The following SLC6A3 variants were observed in gnomAD, a reference collection of about 807,000 sequenced individuals.
The protein encoded by SLC6A3 is sodium-dependent dopamine transporter.
SLC6A3 carries 19 observed loss-of-function variants against 70.4 expected under a neutral mutation model. The observed-to-expected ratio is 0.27, with a 90% CI of 0.19 to 0.40. The LOEUF (loss-of-function observed/expected upper bound fraction) is 0.40. Among genes scored for constraint, SLC6A3 ranks in the 10% least tolerant of loss-of-function variants. The pLI is 1.00. For missense variants in SLC6A3, 613 were observed against 838.5 expected (o/e 0.73, Z 3.32); for synonymous variants, 368 against 356.6 (o/e 1.03, Z -0.36).
At chr5:1,423,242 ATGGTG>A (rs1756500797) in intron 4 of SLC6A3, among the ~76,000 whole-genome samples, 1 of 111,458 alleles carries the variant, frequency 9.0e-6, no homozygotes, top group Non-Finnish European at 1.8e-5. Flanking sequence ...GGTGCTGCCC[ATGGTG>A]CTGGGTACCC....
Position 1,393,526 on chromosome 5 carries a change from C to T in SLC6A3, c.*1209G>A, listed in dbSNP as rs1755630074. The T allele has an allele frequency of 6.5e-6, 1 of 154,414 alleles. No individual in the cohort carries two copies. The highest frequency in any genetic ancestry group is 6.5e-5 in the Admixed American group (1 of 15,296). 9.6% of individuals were successfully genotyped at this position (154,414 alleles called of 1,614,324 possible). Reference sequence around the variant, plus strand: ...GAGAAATAAAATTCCAGTGGGGTCCCTTCCTGGAGGTCACGGCTCAAGGCC... The same window carrying T: ...GAGAAATAAAATTCCAGTGGGGTCCTTTCCTGGAGGTCACGGCTCAAGGCC... On this transcript the variant is annotated 3_prime_UTR_variant, in exon 15 of 15. Coordinates refer to ENST00000270349, the MANE Select transcript of SLC6A3 (RefSeq NM_001044.5).
At chr5:1,415,045 G>C (rs545240813) in intron 7 of SLC6A3, among the ~76,000 whole-genome samples, 10 of 152,240 alleles carry the variant, frequency 6.6e-5, no homozygotes, top group African/African-American at 2.4e-4. Context: ...GGCTCAGGGT[G>C]GGCAGAACAG....
chr5:1,422,539 C>G (rs367816533), intron 4 of SLC6A3, among the ~76,000 whole-genome samples: 39 of 98,696 alleles, frequency 4.0e-4, no homozygotes, highest in East Asian at 1.5e-3. Context: ...GCTGCCCACG[C>G]TGCTGGGTGC....
chr5:1,430,578 C>T (rs959601027), intron 4 of SLC6A3, among the ~76,000 whole-genome samples: 1 of 152,238 alleles, frequency 6.6e-6, no homozygotes, highest in Non-Finnish European at 1.5e-5. Context: ...TCCGGCCTGC[C>T]CGAAGGCTCC....
chr5:1,410,442 G>A (rs562698377), intron 9 of SLC6A3, among the ~76,000 whole-genome samples: 24 of 152,234 alleles, frequency 1.6e-4, no homozygotes, highest in African/African-American at 4.3e-4. Context: ...GTGGGGGGCC[G>A]GGTGCATGAC....
At chr5:1,418,568 C>T (rs1441824965) in intron 6 of SLC6A3, among the ~76,000 whole-genome samples, 2 of 152,090 alleles carry the variant, frequency 1.3e-5, no homozygotes, top group Non-Finnish European at 1.5e-5. Flanking sequence ...TCCATCCTAT[C>T]TACCTACCTA....
chr5:1,407,776 C>T lies in SLC6A3; in HGVS notation c.1498+1250G>A, dbSNP rs536087691. Among the ~76,000 whole-genome samples the T allele has an allele frequency of 7.2e-5, 11 of 152,242 alleles. 1 individual carries two copies. The highest frequency in any genetic ancestry group is 2.2e-4 in the African/African-American group (9 of 41,552). Reference sequence around the variant, plus strand: ...TTGATTCCAGACACCCGTGAAAGTACGAGGTTGATATTTCCGTTTTCTGTA... The same window carrying T: ...TTGATTCCAGACACCCGTGAAAGTATGAGGTTGATATTTCCGTTTTCTGTA... On this transcript the variant is annotated intron_variant, in intron 11 of 14. Transcript: ENST00000270349.
rs1755747178 is a variant in SLC6A3, at chr5:1,397,430, C to G, written c.1840-2672G>C. Among the ~76,000 whole-genome samples, 1 of 150,086 alleles carries G rather than the reference C, an allele frequency of 6.7e-6. No homozygotes were observed. The highest frequency in any genetic ancestry group is 2.1e-4 in the South Asian group (1 of 4,794). ...TGGGCTACAGAGCGAGACTCCGTCT[C>G]AAAACAAACAAACAAACAAACAAAC... On this transcript the variant is annotated intron_variant, in intron 14 of 14. Coordinates refer to ENST00000270349, the MANE Select transcript of SLC6A3 (RefSeq NM_001044.5). The surrounding 1 kb of genome is among the most constrained non-coding windows in gnomAD (Gnocchi z 4.7).
In SLC6A3 at chr5:1,406,002, G is replaced by A. The variant is rs1288847290; in HGVS notation, c.1599+186C>T. ...TTTTTTCGGTGGGTCTAGAGGGGAG[G>A]GTGGAAGCCACCTTAAGGAGACTAT... On this transcript the variant is annotated intron_variant, in intron 12 of 14. Transcript: ENST00000270349. This position sits in a 1 kb window ranked among gnomAD's most constrained non-coding sequence, Gnocchi z 8.8. Among the ~76,000 whole-genome samples, 1 of 152,200 alleles carries A rather than the reference G, an allele frequency of 6.6e-6. No individual in the cohort carries two copies. Among genetic ancestry groups the A allele is most frequent in the Admixed American group, 6.5e-5 (1 of 15,280 alleles).
Position 1,414,944 on chromosome 5 carries a change from A to G in SLC6A3, c.1032-129T>C, listed in dbSNP as rs1268957581. On this transcript the variant is annotated intron_variant, in intron 7 of 14. Transcript: ENST00000270349. ...GGTCTTCGGAGGGGCTACTTTTCCC[A>G]GTGAGCACGGCCAGCTCCTTAGCAG... The G allele has an allele frequency of 4.0e-5, 47 of 1,182,334 alleles. No homozygotes were observed. The South Asian group carries it at 5.5e-4, about 14-fold the overall frequency. The allele number at this position is 1,182,334 out of a possible 1,614,324, so 73.2% of individuals were successfully genotyped here.
At chr5:1,410,821 C>T (rs546290005) in intron 9 of SLC6A3, among the ~76,000 whole-genome samples, 91 of 151,350 alleles carry the variant, frequency 6.0e-4, no homozygotes, top group Non-Finnish European at 4.0e-4. Context: ...TGTGTGCATG[C>T]GTGTGTGCAT....
intron 6 of SLC6A3, among the ~76,000 whole-genome samples, chr5:1,416,830 C>T (rs1424387401): frequency 6.6e-6 from 1 of 152,044 alleles, no homozygotes; most frequent in Non-Finnish European, 1.5e-5. Flanking sequence ...TCCTAATAGC[C>T]CTCGGAACAG....
intron 14 of SLC6A3, among the ~76,000 whole-genome samples, chr5:1,395,979 C>T (rs908810576): frequency 2.6e-5 from 4 of 152,198 alleles, no homozygotes; most frequent in Non-Finnish European, 4.4e-5. Context: ...AGAAACCAGA[C>T]CTCAATTTGA....
At chr5:1,414,212 C>CA (rs1171565059) in intron 8 of SLC6A3, among the ~76,000 whole-genome samples, 1 of 151,812 alleles carries the variant, frequency 6.6e-6, no homozygotes, top group Non-Finnish European at 1.5e-5. Context: ...GCGTGGCAAG[C>CA]AAACATCTAG....
At chr5:1,432,365 C>T in intron 4 of SLC6A3, 99 bp downstream of exon 4, 2 of 850,988 alleles carry the variant, frequency 2.4e-6, no homozygotes, top group South Asian at 1.4e-5. Context: ...CCTCCCCGCA[C>T]CCTGGGAGTC....
chr5:1,441,588 T>C, intron 2 of SLC6A3, 98 bp from the exon 3 acceptor site: 1 of 1,405,256 alleles, frequency 7.1e-7, no homozygotes, highest in Non-Finnish European at 9.7e-7. Context: ...ATCCATGTCC[T>C]GGCCCGACCG....
At chr5:1,409,219 C>G (rs1007814603) in intron 10 of SLC6A3, 94 bp from the exon 11 acceptor site, 2 of 909,784 alleles carry the variant, frequency 2.2e-6, no homozygotes, top group African/African-American at 3.3e-5. Context: ...TTGTTTCACT[C>G]ACTGCAAAAC....
rs760385170 is a variant in SLC6A3 at position 1,408,203 on chromosome 5, A to ATTTTTTTTTTT, written c.1498+812_1498+822dup. 2.0e-3 allele frequency among the ~76,000 whole-genome samples: 260 copies of ATTTTTTTTTTT among 131,508 alleles called. 4 individuals carry two copies. The highest frequency in any genetic ancestry group is 6.1e-3 in the African/African-American group (210 of 34,274). The allele number at this position is 131,508 out of a possible 152,430, so 86.3% of individuals were successfully genotyped here. On this transcript the variant is annotated intron_variant, in intron 11 of 14. Transcript: ENST00000270349. The surrounding 1 kb of genome is among the most constrained non-coding windows in gnomAD (Gnocchi z 6.4). ...AGCCTTGTGCCACCACACCCGGCTA[A>ATTTTTTTTTTT]TTTTTTTTTTTTTTTTTTTTAGTAA...
At position 1,412,772 on chromosome 5, in the gene SLC6A3, C is replaced by T. The variant is rs115093369; in HGVS notation, c.1157-1417G>A. On this transcript the variant is annotated intron_variant, in intron 8 of 14. Transcript: ENST00000270349. ...CCTGCAGGAATAGGCCTGCGCCTGG[C>T]CTTTTAAATAATCAAAGGCCAGAGC... Among the ~76,000 whole-genome samples the T allele has an allele frequency of 2.1e-3, 318 of 152,358 alleles. 3 individuals carry two copies. Among genetic ancestry groups the T allele is most frequent in the African/African-American group, 7.2e-3 (299 of 41,580 alleles).
Sources: gnomAD v4.1 joint callset for allele counts (sites outside exome capture counted in the v4.1 genomes callset) on GRCh38, gnomAD v4.1.1 for gene constraint, Gnocchi (gnomAD v3.1) non-coding constraint, MANE v1.5 for transcripts, NCBI Gene and HGNC (gene_info 2026-07-23, HGNC 2026-07-21) for gene names.